Variants in TRIM69 observed in about 807,000 individuals in gnomAD.
TRIM69 encodes the protein E3 ubiquitin-protein ligase TRIM69.
A neutral mutation model predicts 37.7 loss-of-function variants in TRIM69; 29 were observed. The ratio of observed to expected loss-of-function variants is 0.77; its 90% confidence interval spans 0.57 to 1.05. The LOEUF is 1.05. Ranked by LOEUF, TRIM69 falls within the 50% of genes least tolerant of loss-of-function variation. The probability of loss-of-function intolerance (pLI) is 0.00; values close to 1 mark genes in which losing one functional copy is unlikely to be tolerated. For missense variants in TRIM69, 596 were observed against 579.9 expected, an observed-to-expected ratio of 1.03 and a Z score of -0.28; for synonymous variants, 209 against 212.4, an observed-to-expected ratio of 0.98 and a Z score of 0.14.
intron 3 of TRIM69, 122 bp from the exon 4 acceptor site, chr15:44,758,499 G>A: frequency 7.3e-7 from 1 of 1,363,904 alleles, no homozygotes; most frequent in Non-Finnish European, 9.8e-7. Flanking sequence ...ATATTCAGTA[G>A]CCATTTGTAT....
intron 6 of TRIM69, among the ~76,000 whole-genome samples, chr15:44,765,419 A>G (rs991852491): frequency 3.9e-5 from 6 of 152,176 alleles, no homozygotes; most frequent in Non-Finnish European, 7.4e-5. Flanking sequence ...ATGTAAGGGG[A>G]TAGGGATTTA....
At chr15:44,758,351 T>G (rs1196572932) in intron 3 of TRIM69, 1 of 537,330 alleles carries the variant, frequency 1.9e-6, no homozygotes. Context: ...ACAGTCTTAT[T>G]TAATATGGCA....
intron 6 of TRIM69, among the ~76,000 whole-genome samples, chr15:44,762,324 C>T (rs569181621): frequency 1.0e-3 from 155 of 152,184 alleles, no homozygotes; most frequent in African/African-American, 3.7e-3. Flanking sequence ...TTTGATTATA[C>T]GTGGTCTTGG....
chr15:44,736,663 G>C lies in TRIM69; in HGVS notation c.-42G>C. ...AGCCATCCTGGGCCTGCTGAGCTCT[G>C]ATTCAAGTGCCTGCCTCTGCCCCTT... On this transcript the variant is annotated 5_prime_UTR_variant, in exon 1 of 7. Transcript: ENST00000329464. 3 of 1,610,440 alleles carry C rather than the reference G, an allele frequency of 1.9e-6. No homozygotes were observed. The highest frequency in any genetic ancestry group is 2.5e-6 in the Non-Finnish European group (3 of 1,178,552).
intron 1 of TRIM69, among the ~76,000 whole-genome samples, chr15:44,750,721 T>TTTC (rs2087503248): frequency 9.1e-6 from 1 of 109,842 alleles, no homozygotes; most frequent in African/African-American, 3.5e-5. Context: ...TTTTCTTTTT[T>TTTC]TTTTTTTTTT....
chr15:44,750,715 C>CTTTTTTTTTTTTTTTTTTTTTTTTTTTTT lies in TRIM69; in HGVS notation c.7-4158_7-4157insTTTTTTTTTTTTTTTTTTTTTTTTTTTTT, dbSNP rs869059418. ...TCGCATTTTTATTTCATTACTTTTT[C>CTTTTTTTTTTTTTTTTTTTTTTTTTTTTT]TTTTTTTTTTTTTTTTTTTTTTTTT... On this transcript the variant is annotated intron_variant, in intron 1 of 6. Transcript: ENST00000329464. 1.9e-5 allele frequency among the ~76,000 whole-genome samples: 2 copies of CTTTTTTTTTTTTTTTTTTTTTTTTTTTTT among 102,838 alleles called. 1 individual carries two copies. 67.5% of individuals were successfully genotyped at this position (102,838 alleles called of 152,430 possible).
At chr15:44,749,768 T>A (rs3110174) in intron 1 of TRIM69, among the ~76,000 whole-genome samples, 118,137 of 152,122 alleles carry the variant, frequency 0.78, 46,593 homozygotes, top group Middle Eastern at 0.85. Context: ...TAGGTCTGTC[T>A]TATGGTAGTT....
chr15:44,756,417 T>C lies in TRIM69; in HGVS notation c.533T>C (p.Leu178Pro), dbSNP rs374508692. The C allele has an allele frequency of 1.2e-5, 19 of 1,551,222 alleles. No homozygotes were observed. The highest frequency in any genetic ancestry group is 2.4e-5 in the East Asian group (1 of 40,910). Residue 178 changes from leucine to proline, a missense_variant, in exon 3 of 7, where the codon CTT becomes CCT. Transcript: ENST00000329464. ...CAACTGGAGACAACTCTGAAGGAGC[T>C]TCAGACCCTGAGGAACATGCAGAAG... Reference protein sequence around the residue: ...QGQLETTLKELQTLRNMQKEA... With the variant: ...QGQLETTLKEPQTLRNMQKEA...
At chr15:44,740,268 G>A (rs983238985) in intron 1 of TRIM69, among the ~76,000 whole-genome samples, 8 of 152,114 alleles carry the variant, frequency 5.3e-5, no homozygotes, top group African/African-American at 9.7e-5. Flanking sequence ...AGATAAAACC[G>A]CAAAGATGGG....
At position 44,752,505 on chromosome 15, in the gene TRIM69, T is replaced by C. The variant is rs192136798; in HGVS notation, c.7-2395T>C. On this transcript the variant is annotated intron_variant, in intron 1 of 6. Transcript: ENST00000329464. ...TTTCCAACTTTTTACTTTCAACTTG[T>C]TTGTGTATTTGGTTCTAAGGTGAGT... is the stretch of plus-strand genomic sequence containing the variant. 9.9e-5 allele frequency among the ~76,000 whole-genome samples: 15 copies of C among 152,276 alleles called. No individual in the cohort carries two copies. The East Asian group carries it at 2.9e-3, about 29-fold the overall frequency.
chr15:44,751,724 T>A (rs991995728), intron 1 of TRIM69, among the ~76,000 whole-genome samples: 1 of 152,118 alleles, frequency 6.6e-6, no homozygotes, highest in African/African-American at 2.4e-5. Flanking sequence ...CTGTATCCCA[T>A]AAGTTTTGAC....
chr15:44,763,995 T>G (rs1566901037), intron 6 of TRIM69, among the ~76,000 whole-genome samples: 1 of 152,242 alleles, frequency 6.6e-6, no homozygotes, highest in South Asian at 2.1e-4. Context: ...AGTCTATTGA[T>G]TTCTGGAGGT....
intron 1 of TRIM69, among the ~76,000 whole-genome samples, chr15:44,743,395 T>G (rs935138156): frequency 6.6e-5 from 10 of 152,200 alleles, no homozygotes; most frequent in African/African-American, 2.4e-4. Context: ...ATTCAGGACA[T>G]AGGCATGGGC....
At chr15:44,739,686 C>T (rs992964895) in intron 1 of TRIM69, among the ~76,000 whole-genome samples, 1 of 152,084 alleles carries the variant, frequency 6.6e-6, no homozygotes, top group Non-Finnish European at 1.5e-5. Flanking sequence ...GAGGGGCGCC[C>T]ACCATTGCCC....
chr15:44,756,747 T>A (rs2087658235), intron 3 of TRIM69: 1 of 255,662 alleles, frequency 3.9e-6, no homozygotes, highest in East Asian at 5.6e-5. Context: ...GTCTGGTCTT[T>A]GGCTTTATCT....
intron 6 of TRIM69, among the ~76,000 whole-genome samples, chr15:44,765,166 G>C (rs11634059): frequency 0.92 from 140,634 of 152,264 alleles, 65,123 homozygotes; most frequent in Non-Finnish European, 0.96. Flanking sequence ...GATATATTTT[G>C]AAGGTGGAGC....
At chr15:44,744,529 A>G (rs2087361968) in intron 1 of TRIM69, among the ~76,000 whole-genome samples, 1 of 152,170 alleles carries the variant, frequency 6.6e-6, no homozygotes. Context: ...AAAATTTTGA[A>G]GATCGAGTTT....
At chr15:44,745,524 A>T (rs1415319463) in intron 1 of TRIM69, among the ~76,000 whole-genome samples, 1 of 152,190 alleles carries the variant, frequency 6.6e-6, no homozygotes, top group African/African-American at 2.4e-5. Context: ...TGGCCCATGG[A>T]CAGGAGAAAA....
intron 6 of TRIM69, among the ~76,000 whole-genome samples, chr15:44,763,985 A>G (rs2087834990): frequency 6.6e-6 from 1 of 152,184 alleles, no homozygotes; most frequent in Admixed American, 6.5e-5. Context: ...GAAATTGTTC[A>G]GTCTATTGAT....
Sources: allele counts gnomAD v4.1 joint callset (sites outside exome capture counted in the v4.1 genomes callset), GRCh38; gene constraint gnomAD v4.1.1; transcripts MANE v1.5; gene names NCBI Gene and HGNC (gene_info 2026-07-23, HGNC 2026-07-21).